Variants in CORO1C observed in about 807,000 individuals in gnomAD.
CORO1C encodes the protein coronin 1C, also known as coronin-1C.
A neutral mutation model predicts 51.2 loss-of-function variants in CORO1C; 14 were observed. That is an observed-to-expected ratio of 0.27 (90% confidence interval 0.18 to 0.43). The LOEUF is 0.43. Ranked by LOEUF, CORO1C falls within the 20% of genes least tolerant of loss-of-function variation. The pLI is 1.00. For missense variants in CORO1C, 417 were observed against 607.8 expected, an observed-to-expected ratio of 0.69 and a Z score of 3.30; for synonymous variants, 181 against 210.5, an observed-to-expected ratio of 0.86 and a Z score of 1.21.
At chr12:108,699,071 A>C (rs1436481578) in intron 2 of CORO1C, among the ~76,000 whole-genome samples, 1 of 152,228 alleles carries the variant, frequency 6.6e-6, no homozygotes, top group Non-Finnish European at 1.5e-5. Context: ...TAGCCTGGGA[A>C]AGACCCTCGA....
At chr12:108,695,188 A>G (rs2034632246) in intron 2 of CORO1C, among the ~76,000 whole-genome samples, 1 of 152,190 alleles carries the variant, frequency 6.6e-6, no homozygotes, top group African/African-American at 2.4e-5. Flanking sequence ...AGGAGGTCCT[A>G]TGGACCTTGC....
At chr12:108,705,776 C>T (rs566602195) in intron 1 of CORO1C, among the ~76,000 whole-genome samples, 2 of 152,144 alleles carry the variant, frequency 1.3e-5, no homozygotes, top group Non-Finnish European at 2.9e-5. Flanking sequence ...TTATACACCA[C>T]AATCAAGTGG....
At chr12:108,681,734 A>T (rs1020536835) in intron 2 of CORO1C, among the ~76,000 whole-genome samples, 5 of 152,240 alleles carry the variant, frequency 3.3e-5, no homozygotes, top group Non-Finnish European at 5.9e-5. Context: ...AAGAATTGCT[A>T]TATTAATTTT....
intron 2 of CORO1C, among the ~76,000 whole-genome samples, chr12:108,699,026 CAT>C (rs985186264): frequency 2.0e-5 from 3 of 152,166 alleles, no homozygotes; most frequent in African/African-American, 7.2e-5. Context: ...AAAACAAACT[CAT>C]ATTTAAGGAG....
intron 1 of CORO1C, among the ~76,000 whole-genome samples, chr12:108,727,468 A>G (rs2035620053): frequency 2.0e-5 from 3 of 152,162 alleles, no homozygotes; most frequent in African/African-American, 7.2e-5. Flanking sequence ...TGAGAAATAA[A>G]GCAGGCTGAA....
At chr12:108,717,098 C>A (rs1368213472) in intron 1 of CORO1C, among the ~76,000 whole-genome samples, 1 of 152,184 alleles carries the variant, frequency 6.6e-6, no homozygotes, top group East Asian at 1.9e-4. Context: ...AGTCAATAAT[C>A]GGGGAACAGA....
At chr12:108,669,690 AGGCGGGGGGT>A (rs1307795657) in intron 3 of CORO1C, among the ~76,000 whole-genome samples, 2 of 6,700 alleles carry the variant, frequency 3.0e-4, no homozygotes, top group South Asian at 2.8e-3. Flanking sequence ...AAAAAAAAAA[AGGCGGGGGGT>A]GGCGGGGGGT....
At chr12:108,692,794 CT>C (rs11447073) in intron 2 of CORO1C, among the ~76,000 whole-genome samples, 146 of 111,666 alleles carry the variant, frequency 1.3e-3, no homozygotes, top group Middle Eastern at 9.3e-3. Flanking sequence ...TAGACCACAG[CT>C]TTTTTTTTTT....
intron 3 of CORO1C, among the ~76,000 whole-genome samples, chr12:108,662,984 A>T (rs1243938676): frequency 6.6e-6 from 1 of 152,252 alleles, no homozygotes. Context: ...CAACCAAAGG[A>T]CAAATAACCC....
chr12:108,666,377 C>T (rs1381544660), intron 3 of CORO1C, among the ~76,000 whole-genome samples: 1 of 152,108 alleles, frequency 6.6e-6, no homozygotes, highest in African/African-American at 2.4e-5. Flanking sequence ...ATTCTTGTGT[C>T]CACTGGTAAA....
chr12:108,693,836 C>T (rs965141453), intron 2 of CORO1C, among the ~76,000 whole-genome samples: 3 of 151,738 alleles, frequency 2.0e-5, no homozygotes, highest in African/African-American at 4.8e-5. Context: ...TTAGCTCCTA[C>T]GCAGAGGAAA....
chr12:108,661,794 G>A (rs537974302), intron 4 of CORO1C, among the ~76,000 whole-genome samples: 1 of 152,222 alleles, frequency 6.6e-6, no homozygotes, highest in South Asian at 2.1e-4. Context: ...ATTATAGCAG[G>A]AAATTCATAG....
chr12:108,703,032 G>A (rs1370005901), intron 1 of CORO1C: 5 of 1,284,906 alleles, frequency 3.9e-6, no homozygotes, highest in African/African-American at 3.0e-5. Context: ...CTTCTCAAGC[G>A]TGAGTTAGAT....
In CORO1C at chr12:108,721,525, T is replaced by C. The variant is rs1480713886; in HGVS notation, c.-6+9904A>G. On this transcript the variant is annotated intron_variant, in intron 1 of 10. Coordinates refer to ENST00000261401, the MANE Select transcript of CORO1C (RefSeq NM_014325.4). ...GTATTTTTTAAACTTTTACATAATTTAAAAGTAAATCAAAACATTAAGCTT... is the reference window on the plus strand; with the variant it reads ...GTATTTTTTAAACTTTTACATAATTCAAAAGTAAATCAAAACATTAAGCTT... 2.0e-5 allele frequency among the ~76,000 whole-genome samples: 3 copies of C among 152,322 alleles called. No individual in the cohort carries two copies. The East Asian group carries it at 5.8e-4, about 29-fold the overall frequency.
Position 108,654,526 on chromosome 12 carries a change from A to G in CORO1C, c.751-116T>C, listed in dbSNP as rs1040751174. ...CCAATTAAGCGAGCCATTTTCCTAG[A>G]ATAACAGAAGTTTGAACTATGCACA... is the stretch of plus-strand genomic sequence containing the variant. On this transcript the variant is annotated intron_variant, in intron 6 of 10. Transcript: ENST00000261401. 3.5e-5 allele frequency: 20 copies of G among 572,458 alleles called. No homozygotes were observed. The African/African-American group carries it at 3.5e-4, about 10-fold the overall frequency. The allele number at this position is 572,458 out of a possible 1,614,324, so 35.5% of individuals were successfully genotyped here.
At position 108,647,484 on chromosome 12, in the gene CORO1C, G is replaced by A. The variant is rs377569941; in HGVS notation, c.1344C>T (p.Ile448=). Residue 448 remains isoleucine, a synonymous_variant, in exon 11 of 11, where the codon ATC becomes ATT. Coordinates refer to ENST00000261401, the MANE Select transcript of CORO1C (RefSeq NM_014325.4). ...EAKLDEILKE[I]KSIKDTICNQ... ...TGCAGATTGTGTCTTTTATAGATTT[G>A]ATCTCTTTTAAAATCTCATCCAACT... 6.2e-7 allele frequency: 1 copy of A among 1,604,858 alleles called. No individual in the cohort carries two copies. Among genetic ancestry groups the A allele is most frequent in the African/African-American group, 1.3e-5 (1 of 74,660 alleles).
At chr12:108,677,846 T>G (rs879732788) in intron 3 of CORO1C, among the ~76,000 whole-genome samples, 2 of 152,016 alleles carry the variant, frequency 1.3e-5, no homozygotes, top group Middle Eastern at 6.8e-3. Flanking sequence ...TGGTGAAACC[T>G]CGTCTCTATT....
intron 1 of CORO1C, among the ~76,000 whole-genome samples, chr12:108,725,068 CACAG>C (rs1405745031): frequency 6.6e-6 from 1 of 152,184 alleles, no homozygotes; most frequent in Non-Finnish European, 1.5e-5. Context: ...CAGACAGACA[CACAG>C]ACAGAGAGAC....
intron 2 of CORO1C, among the ~76,000 whole-genome samples, chr12:108,679,978 G>T (rs1318200990): frequency 3.3e-5 from 5 of 152,184 alleles, no homozygotes; most frequent in African/African-American, 1.2e-4. Flanking sequence ...ATTAACCACA[G>T]TATCTGGAAT....
Sources: gnomAD v4.1 joint callset for allele counts (sites outside exome capture counted in the v4.1 genomes callset) on GRCh38, gnomAD v4.1.1 for gene constraint, MANE v1.5 for transcripts, NCBI Gene and HGNC (gene_info 2026-07-23, HGNC 2026-07-21) for gene names.